IL1RL1: variants seen among roughly 807,000 people sequenced by gnomAD.
IL1RL1 encodes the protein interleukin 1 receptor like 1.
A neutral mutation model predicts 50.9 loss-of-function variants in IL1RL1; 32 were observed. The observed-to-expected ratio is 0.63, with a 90% CI of 0.47 to 0.84. IL1RL1 has a LOEUF of 0.84. Ranked by LOEUF, IL1RL1 falls within the 40% of genes least tolerant of loss-of-function variation. The pLI, the probability that IL1RL1 is intolerant of heterozygous loss-of-function variation, is 0.00. For missense variants in IL1RL1, 773 were observed against 662.9 expected, an observed-to-expected ratio of 1.17 and a Z score of -1.82; for synonymous variants, 275 against 236.0, an observed-to-expected ratio of 1.17 and a Z score of -1.51.
chr2:102,335,455 G>T (rs1677294989), intron 1 of IL1RL1, among the ~76,000 whole-genome samples: 1 of 152,114 alleles, frequency 6.6e-6, no homozygotes, highest in African/African-American at 2.4e-5. Context: ...GGTGAACTTT[G>T]TCAAATTACT....
chr2:102,311,857 A>AATTATATAATATAT lies in IL1RL1; in HGVS notation c.-150+248_-150+261dup, dbSNP rs1377243193. 3.3e-4 allele frequency among the ~76,000 whole-genome samples: 16 copies of AATTATATAATATAT among 48,186 alleles called. 1 individual carries two copies. The highest frequency in any genetic ancestry group is 1.1e-3 in the African/African-American group (15 of 13,694). The allele number at this position is 48,186 out of a possible 152,430, so 31.6% of individuals were successfully genotyped here. On this transcript the variant is annotated intron_variant, in intron 1 of 10. Transcript: ENST00000233954. ...ATTATATAATTGTAATATATAATAT[A>AATTATATAATATAT]ATTATATAATATATATTATATAATA...
At chr2:102,331,015 A>T (rs1677164179) in intron 1 of IL1RL1, among the ~76,000 whole-genome samples, 1 of 152,162 alleles carries the variant, frequency 6.6e-6, no homozygotes, top group Admixed American at 6.5e-5. Flanking sequence ...TTCACAATAA[A>T]CTTATGTTGG....
At chr2:102,326,789 A>C (rs1210226320) in intron 1 of IL1RL1, among the ~76,000 whole-genome samples, 2 of 152,242 alleles carry the variant, frequency 1.3e-5, no homozygotes, top group Non-Finnish European at 2.9e-5. Flanking sequence ...GGATCAATTC[A>C]ACAAGAAGAG....
At chr2:102,346,789 A>G (rs1677797947) in intron 8 of IL1RL1, among the ~76,000 whole-genome samples, 1 of 152,198 alleles carries the variant, frequency 6.6e-6, no homozygotes, top group Non-Finnish European at 1.5e-5. Context: ...GAGAGAACTG[A>G]TAAACTATTA....
At chr2:102,338,093 G>A (rs572381355) in intron 1 of IL1RL1, 23 bp from the exon 2 acceptor site, 1 of 434,332 alleles carries the variant, frequency 2.3e-6, no homozygotes, top group Non-Finnish European at 4.2e-6. Context: ...TCTGTTTATG[G>A]TTTTGTCTAA....
At chr2:102,327,557 A>G (rs1220162480) in intron 1 of IL1RL1, among the ~76,000 whole-genome samples, 1 of 152,182 alleles carries the variant, frequency 6.6e-6, no homozygotes, top group Admixed American at 6.5e-5. Flanking sequence ...AAAATCAATG[A>G]ATACAGGAGC....
At chr2:102,327,248 A>G (rs1413377192) in intron 1 of IL1RL1, among the ~76,000 whole-genome samples, 1 of 152,170 alleles carries the variant, frequency 6.6e-6, no homozygotes, top group East Asian at 1.9e-4. Context: ...CTGCTCCTGA[A>G]TGACTACTGG....
intron 1 of IL1RL1, among the ~76,000 whole-genome samples, chr2:102,324,328 T>C (rs1676927267): frequency 6.6e-6 from 1 of 152,154 alleles, no homozygotes; most frequent in Non-Finnish European, 1.5e-5. Context: ...AATTTGGTAT[T>C]GTCAGTCTTT....
In IL1RL1 at chr2:102,351,908, C is replaced by A. The variant is rs781703348; in HGVS notation, c.1658C>A (p.Ala553Asp). ...RKASSLTPLAAQKQ is the reference protein window; with the variant it reads ...RKASSLTPLADQKQ ...GCCTCTAGTTTGACTCCCTTGGCTGCCCAGAAGCAATAGTGCCTGCTGTGA... is the reference window on the plus strand; with the variant it reads ...GCCTCTAGTTTGACTCCCTTGGCTGACCAGAAGCAATAGTGCCTGCTGTGA... The change falls in exon 11 of 11, where the codon GCC becomes GAC. Residue 553 changes from alanine to aspartate, a missense_variant. By Grantham distance (126) the Ala-to-Asp change is moderately radical. Transcript: ENST00000233954. 23 of 1,608,448 alleles carry A rather than the reference C, an allele frequency of 1.4e-5. No homozygotes were observed. Among genetic ancestry groups the A allele is most frequent in the Non-Finnish European group, 1.8e-5 (21 of 1,177,572 alleles).
chr2:102,335,102 AT>A (rs2104979016), intron 1 of IL1RL1, among the ~76,000 whole-genome samples: 1 of 152,262 alleles, frequency 6.6e-6, no homozygotes, highest in South Asian at 2.1e-4. Context: ...ACACTGGAAG[AT>A]TTCTGATTAA....
At chr2:102,320,627 C>T (rs1051566890) in intron 1 of IL1RL1, among the ~76,000 whole-genome samples, 7 of 152,110 alleles carry the variant, frequency 4.6e-5, no homozygotes, top group Non-Finnish European at 8.8e-5. Flanking sequence ...CCTATACCAC[C>T]TGCCATTTCC....
intron 2 of IL1RL1, 39 bp from the exon 3 acceptor site, chr2:102,338,798 T>A: frequency 7.0e-7 from 1 of 1,429,592 alleles, no homozygotes; most frequent in South Asian, 1.2e-5. Context: ...TCTTTTCATT[T>A]GATCATTTCA....
At chr2:102,314,036 T>C (rs1676599787) in intron 1 of IL1RL1, among the ~76,000 whole-genome samples, 1 of 152,086 alleles carries the variant, frequency 6.6e-6, no homozygotes, top group Non-Finnish European at 1.5e-5. Context: ...CAGAGGAGAA[T>C]GGAGAAATGG....
chr2:102,351,783 G>A lies in IL1RL1; in HGVS notation c.1533G>A (p.Lys511=), dbSNP rs113360315. 5,081 of 1,614,114 alleles carry A rather than the reference G, an allele frequency of 3.1e-3. 17 individuals are homozygous for A. Among genetic ancestry groups the A allele is most frequent in the Non-Finnish European group, 3.8e-3 (4,495 of 1,179,998 alleles). Residue 511 remains lysine, a synonymous_variant, in exon 11 of 11, where the codon AAG becomes AAA. Transcript: ENST00000233954. ...QHLMKVQGTI[K]WREDHIANKR... is the part of the protein sequence containing the mutation. ...TTATGAAAGTACAGGGGACCATCAA[G>A]TGGAGGGAGGACCACATTGCCAATA...
rs972333077 is a variant in IL1RL1 at position 102,338,257 on chromosome 2, T to C, written c.-8T>C. On this transcript the variant is annotated 5_prime_UTR_variant, in exon 2 of 11. Coordinates refer to ENST00000233954, the MANE Select transcript of IL1RL1 (RefSeq NM_016232.5). ...GTTACCAATACTTGCTCTTGATTGA[T>C]AAACAGAATGGGGTTTTGGATCTTA... The C allele has an allele frequency of 5.0e-6, 8 of 1,600,016 alleles. No individual in the cohort carries two copies. The South Asian group carries it at 8.9e-5, about 18-fold the overall frequency.
rs192527565 is a variant in IL1RL1 at position 102,335,647 on chromosome 2, T to C, written c.-149-2469T>C. ...CCTGCAGAATTTCATCATTATGATGTTAAAATTGATGGAAGCTTTATTTTT... is the reference window on the plus strand; with the variant it reads ...CCTGCAGAATTTCATCATTATGATGCTAAAATTGATGGAAGCTTTATTTTT... On this transcript the variant is annotated intron_variant, in intron 1 of 10. Transcript: ENST00000233954. 1.8e-3 allele frequency among the ~76,000 whole-genome samples: 267 copies of C among 152,280 alleles called. 3 individuals carry two copies. The highest frequency in any genetic ancestry group is 5.8e-3 in the African/African-American group (240 of 41,566).
chr2:102,342,620 G>T (rs13016771), intron 6 of IL1RL1, among the ~76,000 whole-genome samples: 7 of 152,044 alleles, frequency 4.6e-5, no homozygotes, highest in African/African-American at 1.7e-4. Context: ...AGCCAGATCC[G>T]GTAAAACATG....
chr2:102,312,590 A>C (rs1252643944), intron 1 of IL1RL1, among the ~76,000 whole-genome samples: 1 of 152,144 alleles, frequency 6.6e-6, no homozygotes, highest in African/African-American at 2.4e-5. Context: ...TGAAGCAAGA[A>C]GCTGCTGGCC....
chr2:102,317,250 A>C (rs764876573), intron 1 of IL1RL1, among the ~76,000 whole-genome samples: 85 of 152,204 alleles, frequency 5.6e-4, no homozygotes, highest in Non-Finnish European at 9.4e-4. Flanking sequence ...GCTACTCGGG[A>C]GGCTGAGGCA....
Sources: gnomAD v4.1 joint callset for allele counts (sites outside exome capture counted in the v4.1 genomes callset) on GRCh38, gnomAD v4.1.1 for gene constraint, MANE v1.5 for transcripts, NCBI Gene and HGNC (gene_info 2026-07-23, HGNC 2026-07-21) for gene names.